Variants in PLCG2 observed in about 807,000 individuals in gnomAD.
PLCG2 encodes the protein phospholipase C gamma 2, also known as 1-phosphatidylinositol 4,5-bisphosphate phosphodiesterase gamma-2.
In PLCG2, 69 loss-of-function variants were observed where a neutral mutation model predicts 175.6. The ratio of observed to expected loss-of-function variants is 0.39; its 90% CI spans 0.32 to 0.48. The LOEUF (loss-of-function observed/expected upper bound fraction) is 0.48. Among genes scored for constraint, PLCG2 ranks in the 20% least tolerant of loss-of-function variants. PLCG2 has a pLI of 0.91. For synonymous variants in PLCG2, 827 were observed against 624.0 expected, an observed-to-expected ratio of 1.33 and a Z score of -4.85; for missense variants, 1,798 against 1,650.9, an observed-to-expected ratio of 1.09 and a Z score of -1.54.
At chr16:81,785,818 G>C (rs1467656834) in intron 1 of PLCG2, 125 bp from the exon 2 acceptor site, 1 of 617,306 alleles carries the variant, frequency 1.6e-6, no homozygotes, top group Non-Finnish European at 2.8e-6. Context: ...CTTGCCACTA[G>C]AACCTTCTCC....
At chr16:81,858,086 C>A (rs1906773820) in intron 3 of PLCG2, 177 bp from the exon 4 acceptor site, 1 of 551,206 alleles carries the variant, frequency 1.8e-6, no homozygotes, top group Non-Finnish European at 3.3e-6. Flanking sequence ...CCATCTCAGA[C>A]AAAAAGCAGG....
intron 2 of PLCG2, among the ~76,000 whole-genome samples, chr16:81,841,355 C>T (rs1013414113): frequency 6.6e-6 from 1 of 152,044 alleles, no homozygotes; most frequent in African/African-American, 2.4e-5. Context: ...TTCTCAGCCT[C>T]CTGAGTAGCT....
intron 7 of PLCG2, among the ~76,000 whole-genome samples, chr16:81,872,033 A>T (rs189020856): frequency 1.3e-5 from 2 of 152,338 alleles, no homozygotes; most frequent in African/African-American, 4.8e-5. Flanking sequence ...TTTTGTTAAA[A>T]ATCATAGAAT....
chr16:81,824,380 C>G (rs934539136), intron 2 of PLCG2, among the ~76,000 whole-genome samples: 4 of 152,070 alleles, frequency 2.6e-5, no homozygotes, highest in African/African-American at 7.2e-5. Flanking sequence ...GTAATCCACC[C>G]ACCTCAACCT....
intron 2 of PLCG2, among the ~76,000 whole-genome samples, chr16:81,818,138 G>C: frequency 6.6e-6 from 1 of 152,192 alleles, no homozygotes; most frequent in Non-Finnish European, 1.5e-5. Context: ...TGAGTATTCA[G>C]CCAGCTAGTG....
intron 1 of PLCG2, among the ~76,000 whole-genome samples, chr16:81,748,454 C>A (rs2143058930): frequency 6.6e-6 from 1 of 151,526 alleles, no homozygotes; most frequent in Non-Finnish European, 1.5e-5. Context: ...ATGCAGAATG[C>A]TGCATTTTTG....
intron 2 of PLCG2, among the ~76,000 whole-genome samples, chr16:81,837,801 A>G (rs1567491004): frequency 6.6e-6 from 1 of 151,772 alleles, no homozygotes; most frequent in South Asian, 2.1e-4. Flanking sequence ...ATCTCATGTG[A>G]ACGTTACCCA....
intron 5 of PLCG2, among the ~76,000 whole-genome samples, chr16:81,864,827 C>T (rs1336616174): frequency 6.6e-6 from 1 of 151,996 alleles, no homozygotes; most frequent in Non-Finnish European, 1.5e-5. Flanking sequence ...CTGGGGGCCT[C>T]CCGGGCTGAG....
chr16:81,914,548 T>C (rs186608105), intron 19 of PLCG2, among the ~76,000 whole-genome samples: 1 of 152,142 alleles, frequency 6.6e-6, no homozygotes, highest in Admixed American at 6.5e-5. Flanking sequence ...CCCCATGAGA[T>C]TGGAGGTGTC....
chr16:81,775,834 C>T (rs909528806), upstream of PLCG2, among the ~76,000 whole-genome samples: 1 of 152,068 alleles, frequency 6.6e-6, no homozygotes, highest in East Asian at 1.9e-4. Flanking sequence ...GAGGTCACTT[C>T]CTGACCCATT....
chr16:81,903,987 C>G (rs1909260146), intron 14 of PLCG2, among the ~76,000 whole-genome samples: 1 of 152,212 alleles, frequency 6.6e-6, no homozygotes, highest in African/African-American at 2.4e-5. Context: ...CTTATTCAGT[C>G]TTGTCAAGAC....
intron 11 of PLCG2, among the ~76,000 whole-genome samples, chr16:81,892,582 C>T (rs1034814640): frequency 1.3e-5 from 2 of 151,430 alleles, no homozygotes; most frequent in Non-Finnish European, 2.9e-5. Flanking sequence ...CCATGCCCAT[C>T]ATTTTAAGAG....
chr16:81,837,531 C>T (rs8052576), intron 2 of PLCG2, among the ~76,000 whole-genome samples: 1,539 of 152,258 alleles, frequency 0.01, 29 homozygotes, highest in African/African-American at 0.033. Context: ...GGATGCTCTC[C>T]GCAGGGACCC....
intron 1 of PLCG2, among the ~76,000 whole-genome samples, chr16:81,781,189 C>G (rs1233110484): frequency 2.6e-5 from 4 of 152,228 alleles, no homozygotes; most frequent in Admixed American, 1.3e-4. Flanking sequence ...TAACCACTCT[C>G]CTGGATTTAC....
chr16:81,821,145 G>A (rs751365914), intron 2 of PLCG2, among the ~76,000 whole-genome samples: 1 of 152,260 alleles, frequency 6.6e-6, no homozygotes, highest in Non-Finnish European at 1.5e-5. Flanking sequence ...GCCCGCCTCG[G>A]CCTCCCAAAG....
intron 13 of PLCG2, chr16:81,898,701 T>G (rs991964100): frequency 6.6e-6 from 1 of 152,162 alleles, no homozygotes; most frequent in Admixed American, 6.5e-5. Flanking sequence ...ATACAGTATA[T>G]TTCTTGGATA....
chr16:81,802,636 A>T lies in PLCG2; in HGVS notation c.193+16454A>T, dbSNP rs563906757. 2.9e-3 allele frequency among the ~76,000 whole-genome samples: 434 copies of T among 151,880 alleles called. 2 individuals carry two copies. Among genetic ancestry groups the T allele is most frequent in the African/African-American group, 0.01 (419 of 41,410 alleles). On this transcript the variant is annotated intron_variant, in intron 2 of 32. Transcript: ENST00000564138. Reference sequence around the variant, plus strand: ...CGCCGGGCTGGAGTGCAGTGGCGCAATCTCAGCTCACTACAACCTCTGCCT... The same window carrying T: ...CGCCGGGCTGGAGTGCAGTGGCGCATTCTCAGCTCACTACAACCTCTGCCT...
chr16:81,932,379 G>C (rs532873050), intron 25 of PLCG2, among the ~76,000 whole-genome samples: 1 of 152,264 alleles, frequency 6.6e-6, no homozygotes, highest in Admixed American at 6.5e-5. Flanking sequence ...ATATCAGAGC[G>C]ACATGGGAAA....
At position 81,957,829 on chromosome 16, in the gene PLCG2, A is replaced by G. The variant is rs887770879; in HGVS notation, c.3756-127A>G. ...CAGGAACTTGGAGTCTGCCTCTCTGACACTCAGCCCTATACCATCCAGCTA... is the reference window on the plus strand; with the variant it reads ...CAGGAACTTGGAGTCTGCCTCTCTGGCACTCAGCCCTATACCATCCAGCTA... On this transcript the variant is annotated intron_variant, in intron 32 of 32. Coordinates refer to ENST00000564138, the MANE Select transcript of PLCG2 (RefSeq NM_002661.5). 14 of 771,576 alleles carry G rather than the reference A, an allele frequency of 1.8e-5. No homozygotes were observed. The Admixed American group carries it at 2.8e-4, about 16-fold the overall frequency. 47.8% of individuals were successfully genotyped at this position (771,576 alleles called of 1,614,324 possible).
Sources: gnomAD v4.1 joint callset for allele counts (sites outside exome capture counted in the v4.1 genomes callset) on GRCh38, gnomAD v4.1.1 for gene constraint, MANE v1.5 for transcripts, NCBI Gene and HGNC (gene_info 2026-07-23, HGNC 2026-07-21) for gene names.